The following MBNL1 variants were observed in gnomAD, a reference collection of about 807,000 sequenced individuals.
MBNL1 encodes muscleblind-like protein 1.
A neutral mutation model predicts 42.2 loss-of-function variants in MBNL1; 8 were observed. The observed-to-expected ratio is 0.19, with a 90% CI of 0.11 to 0.34. The LOEUF (loss-of-function observed/expected upper bound fraction) is 0.34, where lower values mean the gene tolerates loss of function less well. Ranked by LOEUF, MBNL1 falls within the 10% of genes least tolerant of loss-of-function variation. The pLI is 1.00. For missense variants in MBNL1, 309 were observed against 495.3 expected (o/e 0.62, Z 3.57); for synonymous variants, 169 against 173.9 (o/e 0.97, Z 0.22).
chr3:152,327,473 A>T (rs2152526852), intron 2 of MBNL1, among the ~76,000 whole-genome samples: 1 of 151,778 alleles, frequency 6.6e-6, no homozygotes, highest in African/African-American at 2.4e-5. Flanking sequence ...TCAGCCTCCT[A>T]AGTAGGTGAG....
intron 2 of MBNL1, among the ~76,000 whole-genome samples, chr3:152,348,631 A>G (rs1461286481): frequency 1.3e-5 from 2 of 152,136 alleles, no homozygotes; most frequent in African/African-American, 2.4e-5. Flanking sequence ...AAGGGCAGTT[A>G]GTACTATCCT....
intron 3 of MBNL1, among the ~76,000 whole-genome samples, chr3:152,420,200 T>C (rs1485485104): frequency 6.6e-6 from 1 of 152,170 alleles, no homozygotes; most frequent in African/African-American, 2.4e-5. Context: ...ACTTAAATGT[T>C]TATTTCTGCC....
chr3:152,315,355 T>C (rs1024734725), intron 2 of MBNL1, among the ~76,000 whole-genome samples: 4 of 152,298 alleles, frequency 2.6e-5, no homozygotes, highest in African/African-American at 9.6e-5. Context: ...TCATGTTTTA[T>C]TGAGAAAAAT....
At chr3:152,419,526 C>T (rs948157279) in intron 3 of MBNL1, among the ~76,000 whole-genome samples, 6 of 152,224 alleles carry the variant, frequency 3.9e-5, no homozygotes, top group East Asian at 3.9e-4. Flanking sequence ...CCTGCTGTGA[C>T]GGATGGTGCT....
chr3:152,330,078 C>CGA lies in MBNL1; in HGVS notation c.174+29711_174+29712insGA, dbSNP rs1471708031. Among the ~76,000 whole-genome samples, 43 of 152,098 alleles carry CGA rather than the reference C, an allele frequency of 2.8e-4. 1 individual carries two copies. Among genetic ancestry groups the CGA allele is most frequent in the Non-Finnish European group, 4.4e-5 (3 of 68,018 alleles). On this transcript the variant is annotated intron_variant, in intron 2 of 9. Coordinates refer to ENST00000324210, the MANE Select transcript of MBNL1 (RefSeq NM_021038.5). ...TGGTAGTCTCATTAATCCCTAGTCTCTACTGACGTTATTAGGGACATTAGT... is the reference window on the plus strand; with the variant it reads ...TGGTAGTCTCATTAATCCCTAGTCTCGATACTGACGTTATTAGGGACATTAGT...
At chr3:152,420,731 C>T (rs2098791005) in intron 3 of MBNL1, among the ~76,000 whole-genome samples, 1 of 152,184 alleles carries the variant, frequency 6.6e-6, no homozygotes, top group South Asian at 2.1e-4. Context: ...ATCACAACTC[C>T]TCGCCAGCAA....
intron 4 of MBNL1, among the ~76,000 whole-genome samples, chr3:152,440,423 A>G (rs1282791350): frequency 5.9e-5 from 9 of 152,220 alleles, no homozygotes; most frequent in African/African-American, 1.9e-4. Context: ...CACGTTTTGC[A>G]TGGTGGCAGA....
upstream of MBNL1, chr3:152,268,505 C>T (rs1057392488): frequency 9.0e-6 from 3 of 333,698 alleles, no homozygotes; most frequent in African/African-American, 6.8e-5. Flanking sequence ...GCAAGGGCCT[C>T]TTTCAAAATG....
intron 2 of MBNL1, among the ~76,000 whole-genome samples, chr3:152,322,255 C>T (rs888236683): frequency 6.6e-6 from 1 of 151,968 alleles, no homozygotes; most frequent in African/African-American, 2.4e-5. Context: ...ATAAATATTA[C>T]TTTATTTGTA....
intron 2 of MBNL1, among the ~76,000 whole-genome samples, chr3:152,378,293 C>T (rs938838805): frequency 6.6e-6 from 1 of 152,110 alleles, no homozygotes; most frequent in Non-Finnish European, 1.5e-5. Flanking sequence ...ACAATTTCAC[C>T]ACTGCACTCC....
At chr3:152,255,141 A>C (rs1325871705) in intron 2 of MBNL1, among the ~76,000 whole-genome samples, 1 of 152,140 alleles carries the variant, frequency 6.6e-6, no homozygotes, top group Non-Finnish European at 1.5e-5. Flanking sequence ...ACACAGCATA[A>C]AAAATAGAAG....
At position 152,443,485 on chromosome 3, in the gene MBNL1, TAC is replaced by T. The variant is rs150370083; in HGVS notation, c.550-1775_550-1774del. ...TTTATGCAGTAGTATATATTTAGCA[TAC>T]ACACACACACACACACACACAACTT... On this transcript the variant is annotated intron_variant, in intron 4 of 9. Coordinates refer to ENST00000324210, the MANE Select transcript of MBNL1 (RefSeq NM_021038.5). Among the ~76,000 whole-genome samples, 7 of 144,938 alleles carry T rather than the reference TAC, an allele frequency of 4.8e-5. No homozygotes were observed. The South Asian group carries it at 6.6e-4, about 14-fold the overall frequency.
At chr3:152,383,044 T>A (rs984875806) in intron 2 of MBNL1, among the ~76,000 whole-genome samples, 7 of 152,242 alleles carry the variant, frequency 4.6e-5, no homozygotes, top group Middle Eastern at 3.4e-3. Context: ...ATAAAGGCTG[T>A]CTCATAAGGT....
intron 2 of MBNL1, among the ~76,000 whole-genome samples, chr3:152,371,036 C>T (rs1368397962): frequency 6.6e-6 from 1 of 152,108 alleles, no homozygotes; most frequent in Non-Finnish European, 1.5e-5. Flanking sequence ...TTGATCCTGT[C>T]ATTATGATGC....
At chr3:152,296,668 A>G (rs1023993928) in intron 1 of MBNL1, among the ~76,000 whole-genome samples, 5 of 111,380 alleles carry the variant, frequency 4.5e-5, no homozygotes, top group African/African-American at 1.7e-4. Context: ...TATAGAGGCA[A>G]TGATTGTGTG....
intron 2 of MBNL1, among the ~76,000 whole-genome samples, chr3:152,371,596 C>T (rs1159328710): frequency 2.6e-5 from 4 of 152,102 alleles, no homozygotes; most frequent in African/African-American, 9.7e-5. Context: ...AACTCCATCT[C>T]ACACAAAAAA....
At position 152,456,331 on chromosome 3, in the gene MBNL1, T is replaced by TC; in HGVS notation, c.1065dup (p.Phe356LeufsTer20). The TC allele has an allele frequency of 6.2e-7, 1 of 1,614,022 alleles. No individual in the cohort carries two copies. Among genetic ancestry groups the TC allele is most frequent in the Non-Finnish European group, 8.5e-7 (1 of 1,179,912 alleles). ...CAGCAACAACATCTGCCACAAGTGT[T>TC]CCCTTCGCTGCAACAGCCACAGCCA... On this transcript the variant is annotated frameshift_variant, in exon 8 of 10. Transcript: ENST00000324210. LOFTEE classifies it high-confidence loss of function.
chr3:152,427,908 T>C (rs1320917372), intron 3 of MBNL1, among the ~76,000 whole-genome samples: 1 of 151,788 alleles, frequency 6.6e-6, no homozygotes, highest in Non-Finnish European at 1.5e-5. Context: ...TTGTTACATA[T>C]ACTCCCTCTA....
intron 2 of MBNL1, among the ~76,000 whole-genome samples, chr3:152,384,381 C>T (rs1174500680): frequency 2.0e-5 from 3 of 151,984 alleles, no homozygotes; most frequent in African/African-American, 4.8e-5. Context: ...TAGAGAGTTA[C>T]AGAAAGATAA....
Sources: allele counts gnomAD v4.1 joint callset (sites outside exome capture counted in the v4.1 genomes callset), GRCh38; gene constraint gnomAD v4.1.1; transcripts MANE v1.5; gene names NCBI Gene and HGNC (gene_info 2026-07-23, HGNC 2026-07-21).